LRRK2: variants seen among roughly 807,000 people sequenced by gnomAD.
The protein encoded by LRRK2 is leucine rich repeat kinase 2.
Under a neutral mutation model 302.6 loss-of-function variants are expected in LRRK2, and 203 were observed. That is an observed-to-expected ratio of 0.67 (90% CI 0.60 to 0.75). The LOEUF (loss-of-function observed/expected upper bound fraction) is 0.75, where lower values mean the gene tolerates loss of function less well. Among genes scored for constraint, LRRK2 ranks in the 30% least tolerant of loss-of-function variants. The pLI, the probability that LRRK2 is intolerant of heterozygous loss-of-function variation, is 0.00. For synonymous variants in LRRK2, 1,066 were observed against 1,031.9 expected, an observed-to-expected ratio of 1.03 and a Z score of -0.63; for missense variants, 2,830 against 2,951.0, an observed-to-expected ratio of 0.96 and a Z score of 0.95.
rs375597209 is a variant in LRRK2, at chr12:40,235,603, T to C, written c.348-23T>C. On this transcript the variant is annotated intron_variant, in intron 3 of 50. Coordinates refer to ENST00000298910, the MANE Select transcript of LRRK2 (RefSeq NM_198578.4). ...TTGAGTATGATATTTCATTCTTATC[T>C]TGATTTCTGTTTTTAACTCCAGATT... 3.3e-6 allele frequency: 5 copies of C among 1,496,580 alleles called. No homozygotes were observed. The African/African-American group carries it at 6.9e-5, about 21-fold the overall frequency. 92.7% of individuals were successfully genotyped at this position (1,496,580 alleles called of 1,614,324 possible). A position where few individuals can be genotyped will look rare whatever the true frequency, so the allele number is the denominator to read the frequency against.
chr12:40,225,890 TAGA>T (rs1325931092), intron 2 of LRRK2, among the ~76,000 whole-genome samples: 2 of 152,132 alleles, frequency 1.3e-5, no homozygotes, highest in African/African-American at 4.8e-5. Context: ...TGGATGGTGG[TAGA>T]AGGAGGATAA....
At chr12:40,333,758 G>T (rs1446496987) in intron 39 of LRRK2, among the ~76,000 whole-genome samples, 2 of 152,110 alleles carry the variant, frequency 1.3e-5, no homozygotes, top group African/African-American at 4.8e-5. Flanking sequence ...CTCTGAGGAT[G>T]TGGTAATATT....
intron 20 of LRRK2, among the ~76,000 whole-genome samples, chr12:40,289,241 TTA>T (rs1300986482): frequency 1.3e-5 from 2 of 151,918 alleles, no homozygotes; most frequent in African/African-American, 4.8e-5. Context: ...TATTTTAGCA[TTA>T]TTTATTCTGT....
chr12:40,367,820 A>AT lies in LRRK2; in HGVS notation c.*58dup, dbSNP rs1797821370. The AT allele has an allele frequency of 4.5e-6, 7 of 1,541,800 alleles. No individual in the cohort carries two copies. The highest frequency in any genetic ancestry group is 6.2e-6 in the Non-Finnish European group (7 of 1,135,740). ...AAAATTATTCTCTCCTCTTGTAAAT[A>AT]TTTATTTTAAAAATGTTCACATGGA... On this transcript the variant is annotated 3_prime_UTR_variant, in exon 51 of 51. Transcript: ENST00000298910.
chr12:40,362,953 T>C (rs1946758264), intron 47 of LRRK2, among the ~76,000 whole-genome samples: 1 of 152,082 alleles, frequency 6.6e-6, no homozygotes, highest in African/African-American at 2.4e-5. Flanking sequence ...TGCAACTAAA[T>C]TTTATTTCAG....
intron 6 of LRRK2, among the ~76,000 whole-genome samples, chr12:40,242,737 C>G (rs1208682323): frequency 7.0e-6 from 1 of 143,130 alleles, no homozygotes; most frequent in Non-Finnish European, 1.5e-5. Context: ...AGAAATAGAC[C>G]CTCCACAATG....
intron 43 of LRRK2, among the ~76,000 whole-genome samples, chr12:40,350,997 C>T (rs1312360912): frequency 1.3e-5 from 2 of 152,140 alleles, no homozygotes; most frequent in Non-Finnish European, 2.9e-5. Flanking sequence ...TTGGTGTCTC[C>T]TGAGTGGCGG....
In LRRK2 at chr12:40,235,660, A is replaced by G. The variant is rs187299177; in HGVS notation, c.382A>G (p.Ser128Gly). The G allele has an allele frequency of 1.9e-5, 30 of 1,609,138 alleles. No individual in the cohort carries two copies. In the Admixed American group the frequency reaches 2.2e-4, roughly 12 times the overall value. Residue 128 changes from serine to glycine, a missense_variant, in exon 4 of 51, where the codon AGT becomes GGT. Transcript: ENST00000298910. ...ILKMLTVHNA[S>G]VNLSVIGLKT... ...TAAAATGCTAACAGTTCATAATGCC[A>G]GTGTAAACTTGTCAGTGATTGGACT...
rs1491937 is a variant in LRRK2 at position 40,253,672 on chromosome 12, C to T, written c.1288+656C>T. Among the ~76,000 whole-genome samples the T allele has an allele frequency of 1.5e-3, 223 of 152,242 alleles. 2 individuals are homozygous for T. Among genetic ancestry groups the T allele is most frequent in the African/African-American group, 5.0e-3 (206 of 41,550 alleles). The stretch of plus-strand genomic sequence containing the variant: ...GATTACAGGCATGAACCACTGTGCC[C>T]GGCCCAAATTATAATTTTTAATAGC... On this transcript the variant is annotated intron_variant, in intron 11 of 50. Transcript: ENST00000298910.
At chr12:40,266,112 A>G (rs1476984440) in intron 14 of LRRK2, among the ~76,000 whole-genome samples, 2 of 152,244 alleles carry the variant, frequency 1.3e-5, no homozygotes, top group African/African-American at 4.8e-5. Context: ...CATGTCTAAA[A>G]CACCAAAAGC....
At chr12:40,261,427 A>G (rs1383191298) in intron 13 of LRRK2, among the ~76,000 whole-genome samples, 1 of 152,158 alleles carries the variant, frequency 6.6e-6, no homozygotes, top group East Asian at 1.9e-4. Context: ...TTAACAATCA[A>G]TCAGATGTAT....
At position 40,340,143 on chromosome 12, in the gene LRRK2, C is replaced by A. The variant is rs1293161278; in HGVS notation, c.5949-151C>A. ...ATATTAGACTTATATGTTTTGATTT[C>A]CTTCTACAATATCTCTTAACTTTAA... is the stretch of plus-strand genomic sequence containing the variant. On this transcript the variant is annotated intron_variant, in intron 40 of 50. Coordinates refer to ENST00000298910, the MANE Select transcript of LRRK2 (RefSeq NM_198578.4). 8 of 730,876 alleles carry A rather than the reference C, an allele frequency of 1.1e-5. No homozygotes were observed. In the East Asian group the frequency reaches 1.9e-4, roughly 17 times the overall value. 45.3% of individuals were successfully genotyped at this position (730,876 alleles called of 1,614,324 possible).
intron 50 of LRRK2, chr12:40,367,290 T>C (rs1946908080): frequency 2.0e-6 from 1 of 509,440 alleles, no homozygotes; most frequent in Non-Finnish European, 3.4e-6. Flanking sequence ...GAAGTAGAGG[T>C]GTCAATCACT....
At chr12:40,330,610 A>T (rs1383435157) in intron 39 of LRRK2, among the ~76,000 whole-genome samples, 1 of 152,032 alleles carries the variant, frequency 6.6e-6, no homozygotes, top group African/African-American at 2.4e-5. Flanking sequence ...ACATTTATTA[A>T]TCATTTTTAT....
At chr12:40,308,874 GA>G (rs1944929484) in intron 29 of LRRK2, among the ~76,000 whole-genome samples, 178 bp downstream of exon 29, 1 of 152,166 alleles carries the variant, frequency 6.6e-6, no homozygotes, top group African/African-American at 2.4e-5. Context: ...AACATGGAGG[GA>G]TATGTTAGGA....
intron 47 of LRRK2, among the ~76,000 whole-genome samples, chr12:40,363,195 G>T (rs2137043849): frequency 6.6e-6 from 1 of 152,094 alleles, no homozygotes; most frequent in South Asian, 2.1e-4. Flanking sequence ...TTAATATAAA[G>T]TAACCAAAAG....
At chr12:40,333,721 T>G (rs1945784456) in intron 39 of LRRK2, among the ~76,000 whole-genome samples, 1 of 151,606 alleles carries the variant, frequency 6.6e-6, no homozygotes, top group African/African-American at 2.4e-5. Context: ...AGGGATTGCC[T>G]TAGTAAGGGT....
At chr12:40,251,740 G>A (rs1168553459) in intron 10 of LRRK2, among the ~76,000 whole-genome samples, 196 bp downstream of exon 10, 1 of 152,196 alleles carries the variant, frequency 6.6e-6, no homozygotes, top group Non-Finnish European at 1.5e-5. Flanking sequence ...AAGGTAGAAT[G>A]AGAGTTATTA....
chr12:40,284,208 G>A, intron 19 of LRRK2, 75 bp downstream of exon 19: 1 of 1,342,038 alleles, frequency 7.5e-7, no homozygotes, highest in Non-Finnish European at 1.0e-6. Context: ...TCTTTTAGTG[G>A]TTATTCATGC....
Sources: allele counts gnomAD v4.1 joint callset (sites outside exome capture counted in the v4.1 genomes callset), GRCh38; gene constraint gnomAD v4.1.1; transcripts MANE v1.5; gene names NCBI Gene and HGNC (gene_info 2026-07-23, HGNC 2026-07-21).